Variants in RUNDC3B observed in about 807,000 individuals in gnomAD.
RUNDC3B encodes the protein RUN domain containing 3B.
Under a neutral mutation model 58.4 loss-of-function variants are expected in RUNDC3B, and 33 were observed. The ratio of observed to expected loss-of-function variants is 0.56; its 90% CI spans 0.43 to 0.75. The LOEUF (loss-of-function observed/expected upper bound fraction) is 0.75. Among genes scored for constraint, RUNDC3B ranks in the 30% least tolerant of loss-of-function variants. RUNDC3B has a pLI of 0.00. For synonymous variants in RUNDC3B, 193 were observed against 195.2 expected, an observed-to-expected ratio of 0.99 and a Z score of 0.10; for missense variants, 501 against 535.7, an observed-to-expected ratio of 0.94 and a Z score of 0.64.
chr7:87,721,430 G>A (rs1294030970), intron 4 of RUNDC3B, among the ~76,000 whole-genome samples: 1 of 151,578 alleles, frequency 6.6e-6, no homozygotes, highest in Non-Finnish European at 1.5e-5. Flanking sequence ...GAGTGTGAGA[G>A]AACAAAAATA....
At chr7:87,630,644 T>C (rs1035734124) in intron 1 of RUNDC3B, among the ~76,000 whole-genome samples, 7 of 151,878 alleles carry the variant, frequency 4.6e-5, no homozygotes, top group Non-Finnish European at 1.0e-4. Context: ...TCAGCTTTTG[T>C]TAAACTTCAC....
In RUNDC3B at chr7:87,769,559, T is replaced by C. The variant is rs180992872; in HGVS notation, c.630-1022T>C. Among the ~76,000 whole-genome samples the C allele has an allele frequency of 2.0e-5, 3 of 152,278 alleles. No individual in the cohort carries two copies. In the East Asian group the frequency reaches 5.8e-4, roughly 29 times the overall value. ...CAGACTATTTTTATGCTTCTACTTATTTTTTAATATAATTGCTCATATTTA... is the reference window on the plus strand; with the variant it reads ...CAGACTATTTTTATGCTTCTACTTACTTTTTAATATAATTGCTCATATTTA... On this transcript the variant is annotated intron_variant, in intron 6 of 10. Coordinates refer to ENST00000394654, the MANE Select transcript of RUNDC3B (RefSeq NM_001134405.2).
At chr7:87,785,059 T>C (rs2130895696) in intron 8 of RUNDC3B, among the ~76,000 whole-genome samples, 1 of 152,112 alleles carries the variant, frequency 6.6e-6, no homozygotes, top group South Asian at 2.1e-4. Context: ...CCAGGCAGTG[T>C]GTTGGTGCCA....
At chr7:87,740,168 T>G (rs1443943440) in intron 5 of RUNDC3B, among the ~76,000 whole-genome samples, 1 of 152,114 alleles carries the variant, frequency 6.6e-6, no homozygotes, top group Non-Finnish European at 1.5e-5. Context: ...GAAGGAAGGC[T>G]TTGAATCTTA....
intron 2 of RUNDC3B, among the ~76,000 whole-genome samples, chr7:87,684,708 A>G (rs1040808467): frequency 2.9e-5 from 4 of 138,090 alleles, no homozygotes; most frequent in African/African-American, 1.1e-4. Context: ...AGATCGTGCC[A>G]CTGCACTCCA....
intron 6 of RUNDC3B, among the ~76,000 whole-genome samples, chr7:87,753,324 A>G (rs1482080624): frequency 2.0e-5 from 3 of 151,572 alleles, no homozygotes; most frequent in African/African-American, 4.9e-5. Context: ...TAGGTGTGGT[A>G]TGGTGCTGAA....
intron 2 of RUNDC3B, among the ~76,000 whole-genome samples, chr7:87,677,571 T>C (rs1041321022): frequency 1.3e-5 from 2 of 152,096 alleles, no homozygotes; most frequent in African/African-American, 4.8e-5. Context: ...CCTTCAGTTA[T>C]AAGATGATTA....
chr7:87,666,403 C>G (rs1305362696), intron 2 of RUNDC3B, among the ~76,000 whole-genome samples: 2 of 151,932 alleles, frequency 1.3e-5, no homozygotes, highest in African/African-American at 4.8e-5. Flanking sequence ...ATGCCAGATG[C>G]ATAGTTTGTA....
At chr7:87,770,314 C>G (rs1049105438) in intron 6 of RUNDC3B, among the ~76,000 whole-genome samples, 4 of 151,996 alleles carry the variant, frequency 2.6e-5, no homozygotes, top group African/African-American at 9.7e-5. Flanking sequence ...TTTGGGCATT[C>G]TTGGTTTATA....
In RUNDC3B at chr7:87,802,762, T is replaced by C. The variant is rs74447105; in HGVS notation, c.957-4611T>C. Among the ~76,000 whole-genome samples, 668 of 152,232 alleles carry C rather than the reference T, an allele frequency of 4.4e-3. 4 individuals are homozygous for C. Among genetic ancestry groups the C allele is most frequent in the Non-Finnish European group, 6.2e-3 (419 of 68,008 alleles). On this transcript the variant is annotated intron_variant, in intron 8 of 10. Transcript: ENST00000394654. ...GCTCACGCCTGTAATCCCAGCACTTTAGGAGGCCTAGGTAGGCGCTCCACC... is the reference window on the plus strand; with the variant it reads ...GCTCACGCCTGTAATCCCAGCACTTCAGGAGGCCTAGGTAGGCGCTCCACC...
At chr7:87,733,169 G>A (rs1475525470) in intron 4 of RUNDC3B, among the ~76,000 whole-genome samples, 12 of 152,080 alleles carry the variant, frequency 7.9e-5, no homozygotes, top group Non-Finnish European at 7.4e-5. Flanking sequence ...CTCCACAAAG[G>A]TCGCATTCCA....
chr7:87,788,306 C>T (rs1835332016), intron 8 of RUNDC3B, among the ~76,000 whole-genome samples: 14 of 152,066 alleles, frequency 9.2e-5, no homozygotes, highest in Admixed American at 9.2e-4. Flanking sequence ...GCCTGTAGTC[C>T]TAGTTTTTTG....
At chr7:87,692,104 A>G (rs547198225) in intron 2 of RUNDC3B, among the ~76,000 whole-genome samples, 2 of 152,172 alleles carry the variant, frequency 1.3e-5, no homozygotes, top group Non-Finnish European at 2.9e-5. Context: ...CACAGCCAAA[A>G]TGAAAATCAG....
At chr7:87,741,395 C>T in intron 5 of RUNDC3B, 104 bp from the exon 6 acceptor site, 3 of 611,636 alleles carry the variant, frequency 4.9e-6, no homozygotes, top group Non-Finnish European at 5.5e-6. Flanking sequence ...ATTCGCTTGC[C>T]ATTTGATGAG....
rs572249415 is a variant in RUNDC3B, at chr7:87,732,642, G to A, written c.459-7149G>A. 5.9e-5 allele frequency among the ~76,000 whole-genome samples: 9 copies of A among 152,130 alleles called. No homozygotes were observed. The East Asian group carries it at 1.5e-3, about 26-fold the overall frequency. On this transcript the variant is annotated intron_variant, in intron 4 of 10. Coordinates refer to ENST00000394654, the MANE Select transcript of RUNDC3B (RefSeq NM_001134405.2). ...ACAAGATAGTGAAAGCTGGGTCCAG[G>A]GGGGTCACTGCCTTCTGGTCCCGTG... is the stretch of plus-strand genomic sequence containing the variant.
At chr7:87,669,036 T>G (rs1374904780) in intron 2 of RUNDC3B, among the ~76,000 whole-genome samples, 1 of 127,232 alleles carries the variant, frequency 7.9e-6, no homozygotes, top group Non-Finnish European at 1.8e-5. Context: ...TCTTTGTTAA[T>G]TGTCTGCCTC....
chr7:87,822,981 A>G (rs1837571548), intron 10 of RUNDC3B, among the ~76,000 whole-genome samples: 1 of 152,178 alleles, frequency 6.6e-6, no homozygotes, highest in South Asian at 2.1e-4. Context: ...TGGCACATGT[A>G]TACATATGTA....
At chr7:87,697,273 C>T (rs542596600) in intron 2 of RUNDC3B, among the ~76,000 whole-genome samples, 3 of 152,270 alleles carry the variant, frequency 2.0e-5, no homozygotes, top group African/African-American at 7.2e-5. Flanking sequence ...ATTTCTCTGA[C>T]TTCTGTTTCC....
At chr7:87,695,806 G>T (rs1828448206) in intron 2 of RUNDC3B, among the ~76,000 whole-genome samples, 1 of 151,980 alleles carries the variant, frequency 6.6e-6, no homozygotes, top group Non-Finnish European at 1.5e-5. Context: ...GTCTTATTCT[G>T]GCCATGAAAT....
Sources: gnomAD v4.1 joint callset for allele counts (sites outside exome capture counted in the v4.1 genomes callset) on GRCh38, gnomAD v4.1.1 for gene constraint, MANE v1.5 for transcripts, NCBI Gene and HGNC (gene_info 2026-07-23, HGNC 2026-07-21) for gene names.